The following CDH13 variants were observed in gnomAD, a reference collection of about 807,000 sequenced individuals.
CDH13 encodes the protein cadherin 13.
CDH13 carries 24 observed loss-of-function variants against 63.8 expected under a neutral mutation model. That is an observed-to-expected ratio of 0.38 (90% CI 0.27 to 0.53). The LOEUF (loss-of-function observed/expected upper bound fraction) is 0.53, where lower values mean the gene tolerates loss of function less well. Ranked by LOEUF, CDH13 falls within the 20% of genes least tolerant of loss-of-function variation. The pLI is 0.85. For missense variants in CDH13, 1,049 were observed against 903.1 expected (o/e 1.16, Z -2.07); for synonymous variants, 503 against 355.3 (o/e 1.42, Z -4.67).
In CDH13 at chr16:83,535,955, GAAA is replaced by G. The variant is rs1368788734; in HGVS notation, c.960+49302_960+49304del. Among the ~76,000 whole-genome samples, 5 of 5,178 alleles carry G rather than the reference GAAA, an allele frequency of 9.7e-4. No individual in the cohort carries two copies. In the East Asian group the frequency reaches 0.019, roughly 20 times the overall value. 3.4% of individuals were successfully genotyped at this position (5,178 alleles called of 152,430 possible). On this transcript the variant is annotated intron_variant, in intron 7 of 13. Coordinates refer to ENST00000567109, the MANE Select transcript of CDH13 (RefSeq NM_001257.5). ...GGAAGGAAAGGAAGGAAGGAAGGAA[GAAA>G]AGAAAAGAAAAGAAAAGAAAGAAAC...
chr16:83,193,671 G>A (rs551957065), intron 4 of CDH13, among the ~76,000 whole-genome samples: 31 of 152,254 alleles, frequency 2.0e-4, no homozygotes, highest in African/African-American at 5.5e-4. Context: ...TTGACTTATC[G>A]TTACATCTGC....
Position 83,748,314 on chromosome 16 carries a change from T to G in CDH13, c.1681+64T>G. 6 of 1,465,680 alleles carry G rather than the reference T, an allele frequency of 4.1e-6. No homozygotes were observed. In the South Asian group the frequency reaches 8.3e-5, roughly 20 times the overall value. The allele number at this position is 1,465,680 out of a possible 1,614,324, so 90.8% of individuals were successfully genotyped here. A position where few individuals can be genotyped will look rare whatever the true frequency, so the allele number is the denominator to read the frequency against. ...TGCTACAAATATACTTTTACATTTTTAAATTTCTTCTGATACACCCAGGGG... is the reference window on the plus strand; with the variant it reads ...TGCTACAAATATACTTTTACATTTTGAAATTTCTTCTGATACACCCAGGGG... On this transcript the variant is annotated intron_variant, in intron 11 of 13. Coordinates refer to ENST00000567109, the MANE Select transcript of CDH13 (RefSeq NM_001257.5).
intron 1 of CDH13, among the ~76,000 whole-genome samples, chr16:82,827,576 G>C (rs1331165108): frequency 7.9e-5 from 12 of 152,126 alleles, no homozygotes; most frequent in Non-Finnish European, 1.8e-4. Context: ...TCAATCTGTA[G>C]ACAAAGCTAG....
At chr16:83,701,180 C>T (rs187565170) in intron 10 of CDH13, among the ~76,000 whole-genome samples, 60 of 152,244 alleles carry the variant, frequency 3.9e-4, no homozygotes, top group Admixed American at 3.1e-3. Flanking sequence ...TTACTTAATT[C>T]TGTGATGGCT....
chr16:83,211,975 T>C (rs1432760326), intron 4 of CDH13, among the ~76,000 whole-genome samples: 5 of 152,200 alleles, frequency 3.3e-5, no homozygotes, highest in Non-Finnish European at 7.3e-5. Context: ...AAGTTCTCGC[T>C]AACTGTGAAG....
intron 2 of CDH13, among the ~76,000 whole-genome samples, chr16:82,901,438 A>C (rs1000366411): frequency 6.6e-6 from 1 of 151,196 alleles, no homozygotes; most frequent in African/African-American, 2.4e-5. Context: ...TTCATCTAGG[A>C]GACCTGACAA....
intron 1 of CDH13, among the ~76,000 whole-genome samples, chr16:82,741,711 C>T (rs1475695990): frequency 3.3e-5 from 5 of 151,996 alleles, no homozygotes; most frequent in Non-Finnish European, 7.4e-5. Context: ...TCAACCTCGC[C>T]ATTAATTAAA....
intron 5 of CDH13, among the ~76,000 whole-genome samples, chr16:83,263,353 G>T (rs924265396): frequency 6.6e-6 from 1 of 152,146 alleles, no homozygotes; most frequent in Non-Finnish European, 1.5e-5. Context: ...GCGATGTTTT[G>T]TTTTCAGAAA....
At chr16:82,925,218 C>T (rs968801832) in intron 2 of CDH13, among the ~76,000 whole-genome samples, 1 of 152,108 alleles carries the variant, frequency 6.6e-6, no homozygotes, top group Non-Finnish European at 1.5e-5. Context: ...GCCTCCTTAT[C>T]AAAGAGGGAG....
intron 2 of CDH13, among the ~76,000 whole-genome samples, chr16:82,986,820 C>G (rs1167227418): frequency 1.3e-5 from 2 of 152,194 alleles, no homozygotes; most frequent in Non-Finnish European, 2.9e-5. Flanking sequence ...GAGACCATAT[C>G]TCATTCTGTC....
At chr16:83,757,408 T>C (rs1241806524) in intron 11 of CDH13, among the ~76,000 whole-genome samples, 6 of 152,044 alleles carry the variant, frequency 3.9e-5, no homozygotes, top group African/African-American at 1.2e-4. Context: ...CAAAACCCTG[T>C]CTCTACCAAA....
At chr16:82,943,498 A>T (rs1253362470) in intron 2 of CDH13, among the ~76,000 whole-genome samples, 1 of 152,240 alleles carries the variant, frequency 6.6e-6, no homozygotes, top group Admixed American at 6.5e-5. Context: ...GATTATTCGC[A>T]TAAGACCCTG....
chr16:83,290,728 G>C (rs2089445695), intron 5 of CDH13, among the ~76,000 whole-genome samples: 2 of 152,154 alleles, frequency 1.3e-5, no homozygotes, highest in Admixed American at 1.3e-4. Flanking sequence ...TCTTGGTCCT[G>C]TGTTCAGGGC....
At chr16:82,725,175 G>A (rs148577243) in intron 1 of CDH13, among the ~76,000 whole-genome samples, 1 of 151,950 alleles carries the variant, frequency 6.6e-6, no homozygotes, top group African/African-American at 2.4e-5. Flanking sequence ...TGGCGATGAT[G>A]ATGATTTGGA....
intron 7 of CDH13, among the ~76,000 whole-genome samples, chr16:83,563,875 C>T (rs941030931): frequency 4.6e-5 from 7 of 152,076 alleles, no homozygotes; most frequent in Non-Finnish European, 1.0e-4. Flanking sequence ...TGGGATGGGT[C>T]GTTTTGTTTA....
chr16:83,028,414 G>C (rs1002007098), intron 2 of CDH13, among the ~76,000 whole-genome samples: 1 of 152,174 alleles, frequency 6.6e-6, no homozygotes, highest in African/African-American at 2.4e-5. Context: ...ACCACGGAAA[G>C]CCTTAGAACC....
At chr16:82,965,644 C>G (rs546878397) in intron 2 of CDH13, among the ~76,000 whole-genome samples, 3 of 152,108 alleles carry the variant, frequency 2.0e-5, no homozygotes, top group Non-Finnish European at 2.9e-5. Flanking sequence ...GATTCTCCTG[C>G]CATGGCCAGT....
At chr16:83,414,208 T>C (rs2092167889) in intron 6 of CDH13, among the ~76,000 whole-genome samples, 1 of 152,206 alleles carries the variant, frequency 6.6e-6, no homozygotes. Context: ...TGAATCAACA[T>C]GCTCAACCAT....
chr16:83,655,611 G>C (rs1049168828), intron 8 of CDH13, among the ~76,000 whole-genome samples: 1 of 152,198 alleles, frequency 6.6e-6, no homozygotes, highest in Non-Finnish European at 1.5e-5. Context: ...GAAGGCCTGG[G>C]AACCCATGGA....
Sources: gnomAD v4.1 joint callset for allele counts (sites outside exome capture counted in the v4.1 genomes callset) on GRCh38, gnomAD v4.1.1 for gene constraint, MANE v1.5 for transcripts, NCBI Gene and HGNC (gene_info 2026-07-23, HGNC 2026-07-21) for gene names.